Variants in MTUS2 observed in about 807,000 individuals in gnomAD.
MTUS2 encodes the protein microtubule associated scaffold protein 2, also known as microtubule-associated tumor suppressor candidate 2.
Under a neutral mutation model 114.1 loss-of-function variants are expected in MTUS2, and 40 were observed. The observed-to-expected ratio is 0.35, with a 90% CI of 0.27 to 0.46. The LOEUF is 0.46. Among genes scored for constraint, MTUS2 ranks in the 20% least tolerant of loss-of-function variants. The pLI is 1.00. For missense variants in MTUS2, 1,679 were observed against 1,705.4 expected (o/e 0.98, Z 0.27); for synonymous variants, 688 against 672.0 (o/e 1.02, Z -0.37).
intron 5 of MTUS2, among the ~76,000 whole-genome samples, chr13:29,224,663 T>C (rs948878098): frequency 6.6e-6 from 1 of 152,222 alleles, no homozygotes; most frequent in African/African-American, 2.4e-5. Flanking sequence ...GGTCCATAAA[T>C]TTAATTCTTT....
chr13:29,297,593 CTTGA>C (rs1260805898), intron 6 of MTUS2, among the ~76,000 whole-genome samples: 1 of 152,124 alleles, frequency 6.6e-6, no homozygotes, highest in Non-Finnish European at 1.5e-5. Flanking sequence ...CTGAAGTTAC[CTTGA>C]TTGAAAAATA....
chr13:28,846,056 AT>A (rs1273986461), intron 2 of MTUS2, among the ~76,000 whole-genome samples: 5,976 of 32,434 alleles, frequency 0.18, 338 homozygotes, highest in African/African-American at 0.28. Flanking sequence ...TAAAAAAAAA[AT>A]ATATATATAT....
chr13:29,106,483 T>C (rs9579288), intron 5 of MTUS2, among the ~76,000 whole-genome samples: 102,091 of 151,938 alleles, frequency 0.67, 35,005 homozygotes, highest in Non-Finnish European at 0.74. Flanking sequence ...CTCAGCCTCC[T>C]GAGTAGTTGG....
chr13:29,049,422 T>C (rs1299409198), intron 4 of MTUS2, among the ~76,000 whole-genome samples: 2 of 152,206 alleles, frequency 1.3e-5, no homozygotes, highest in African/African-American at 4.8e-5. Flanking sequence ...GCTGTGGAGC[T>C]GTCAGTCATA....
In MTUS2 at chr13:28,941,790, A is replaced by G. The variant is rs147452051; in HGVS notation, c.-242-82667A>G. On this transcript the variant is annotated intron_variant, in intron 2 of 15. Coordinates refer to ENST00000612955, the MANE Select transcript of MTUS2 (RefSeq NM_001033602.4). ...CAAAGTAGAATCTGGAATTATACCG[A>G]TGAGCTTTTAGTGCTATATTACATT... Among the ~76,000 whole-genome samples, 432 of 152,056 alleles carry G rather than the reference A, an allele frequency of 2.8e-3. 6 individuals carry two copies. In the East Asian group the frequency reaches 0.067, roughly 24 times the overall value.
At chr13:29,441,344 A>G (rs1339520264) in intron 9 of MTUS2, among the ~76,000 whole-genome samples, 1 of 152,142 alleles carries the variant, frequency 6.6e-6, no homozygotes, top group African/African-American at 2.4e-5. Flanking sequence ...GGGAGGGGAG[A>G]AAGTGGCCCC....
At chr13:29,249,941 A>G (rs1897065617) in intron 5 of MTUS2, among the ~76,000 whole-genome samples, 1 of 152,218 alleles carries the variant, frequency 6.6e-6, no homozygotes, top group Non-Finnish European at 1.5e-5. Flanking sequence ...AACCTAGGCA[A>G]TACCATTCAG....
chr13:29,224,294 T>G (rs1028371024), intron 5 of MTUS2, among the ~76,000 whole-genome samples: 5 of 152,240 alleles, frequency 3.3e-5, no homozygotes, highest in African/African-American at 1.2e-4. Context: ...AAAAAGGCCC[T>G]TCATGTCTTC....
chr13:29,009,795 T>C (rs1885759816), intron 2 of MTUS2, among the ~76,000 whole-genome samples: 1 of 152,226 alleles, frequency 6.6e-6, no homozygotes, highest in Non-Finnish European at 1.5e-5. Flanking sequence ...CTTACATATT[T>C]GGTCATTTTT....
chr13:29,213,186 AAT>A (rs1160914910), intron 5 of MTUS2, among the ~76,000 whole-genome samples: 1 of 152,234 alleles, frequency 6.6e-6, no homozygotes, highest in African/African-American at 2.4e-5. Flanking sequence ...GCAGAGACCA[AAT>A]ATATATGTTT....
chr13:28,832,588 TGTAAA>T (rs1874766059), intron 1 of MTUS2, among the ~76,000 whole-genome samples: 1 of 149,696 alleles, frequency 6.7e-6, no homozygotes, highest in Non-Finnish European at 1.5e-5. Flanking sequence ...ACCTTAATAA[TGTAAA>T]GAAAGAAGGG....
chr13:29,330,358 G>GC (rs1488086656), intron 7 of MTUS2, among the ~76,000 whole-genome samples: 1 of 152,124 alleles, frequency 6.6e-6, no homozygotes, highest in Non-Finnish European at 1.5e-5. Context: ...TGGATAGATT[G>GC]CCAAAATTTT....
At chr13:28,945,415 C>A (rs1383367895) in intron 2 of MTUS2, among the ~76,000 whole-genome samples, 1 of 152,062 alleles carries the variant, frequency 6.6e-6, no homozygotes, top group Non-Finnish European at 1.5e-5. Flanking sequence ...ATACTGTTTT[C>A]CACAGAGGTT....
At chr13:28,888,851 C>A (rs993808647) in intron 2 of MTUS2, among the ~76,000 whole-genome samples, 8 of 152,308 alleles carry the variant, frequency 5.3e-5, no homozygotes, top group African/African-American at 1.9e-4. Context: ...ATATTGCAAG[C>A]AACCTTTGGG....
intron 8 of MTUS2, among the ~76,000 whole-genome samples, chr13:29,364,472 G>T (rs1870538462): frequency 6.6e-6 from 1 of 152,190 alleles, no homozygotes; most frequent in African/African-American, 2.4e-5. Context: ...CTCTAGCATG[G>T]ATTGCAAACT....
chr13:29,427,166 C>T (rs1364474915), intron 8 of MTUS2, among the ~76,000 whole-genome samples: 2 of 152,166 alleles, frequency 1.3e-5, no homozygotes, highest in Admixed American at 1.3e-4. Context: ...ATAAAACATG[C>T]TCACGAGAGG....
chr13:29,275,981 C>A, intron 5 of MTUS2, among the ~76,000 whole-genome samples: 1 of 152,096 alleles, frequency 6.6e-6, no homozygotes, highest in Non-Finnish European at 1.5e-5. Flanking sequence ...CACATTTACA[C>A]CTTTGTTTTC....
Position 29,024,592 on chromosome 13 carries a change from G to A in MTUS2, c.-107G>A. 1 of 1,365,006 alleles carries A rather than the reference G, an allele frequency of 7.3e-7. No individual in the cohort carries two copies. Among genetic ancestry groups the A allele is most frequent in the Non-Finnish European group, 1.0e-6 (1 of 991,208 alleles). The allele number at this position is 1,365,006 out of a possible 1,614,324, so 84.6% of individuals were successfully genotyped here. On this transcript the variant is annotated 5_prime_UTR_variant, in exon 3 of 16. Coordinates refer to ENST00000612955, the MANE Select transcript of MTUS2 (RefSeq NM_001033602.4). The stretch of plus-strand genomic sequence containing the variant: ...GTGTCGCAAGGTGACATTGTCAGGG[G>A]AGAACAAGCAGCTTGAGAATTTCCT...
chr13:29,127,619 G>A (rs1466138427), intron 5 of MTUS2, among the ~76,000 whole-genome samples: 1 of 152,122 alleles, frequency 6.6e-6, no homozygotes, highest in Non-Finnish European at 1.5e-5. Context: ...CCATAATTGG[G>A]TAATCTCATT....
Sources: allele counts gnomAD v4.1 joint callset (sites outside exome capture counted in the v4.1 genomes callset), GRCh38; gene constraint gnomAD v4.1.1; transcripts MANE v1.5; gene names NCBI Gene and HGNC (gene_info 2026-07-23, HGNC 2026-07-21).